Variants in LIMS1 observed in about 807,000 individuals in gnomAD.
LIMS1 encodes the protein LIM and senescent cell antigen-like-containing domain protein 1.
Under a neutral mutation model 44.1 loss-of-function variants are expected in LIMS1, and 18 were observed. That is an observed-to-expected ratio of 0.41 (90% CI 0.28 to 0.61). The LOEUF is 0.61. Among genes scored for constraint, LIMS1 ranks in the 20% least tolerant of loss-of-function variants. The pLI is 0.32. For missense variants in LIMS1, 201 were observed against 422.0 expected, an observed-to-expected ratio of 0.48 and a Z score of 4.59; for synonymous variants, 93 against 149.1, an observed-to-expected ratio of 0.62 and a Z score of 2.74.
At chr2:108,535,525 CATTGTA>C in intron 1 of LIMS1, among the ~76,000 whole-genome samples, 1 of 152,332 alleles carries the variant, frequency 6.6e-6, no homozygotes, top group Middle Eastern at 3.4e-3. Flanking sequence ...AGCTGTTACC[CATTGTA>C]ACACCATATA....
At chr2:108,598,775 A>C (rs1686852234) in intron 1 of LIMS1, among the ~76,000 whole-genome samples, 1 of 152,136 alleles carries the variant, frequency 6.6e-6, no homozygotes, top group African/African-American at 2.4e-5. Flanking sequence ...TGGGTCTTTA[A>C]GGTATTCCTT....
chr2:108,607,333 G>A, intron 1 of LIMS1: 6 of 1,339,004 alleles, frequency 4.5e-6, no homozygotes, highest in Non-Finnish European at 6.3e-6. Context: ...CACACCAGTT[G>A]TCTGGTATCT....
intron 1 of LIMS1, among the ~76,000 whole-genome samples, chr2:108,572,442 G>C (rs981940154): frequency 6.8e-6 from 1 of 147,594 alleles, no homozygotes; most frequent in Non-Finnish European, 1.5e-5. Context: ...GAGTGCAGTG[G>C]CGCAGTCTCA....
intron 1 of LIMS1, among the ~76,000 whole-genome samples, chr2:108,622,548 T>G (rs1363099197): frequency 6.6e-6 from 1 of 152,210 alleles, no homozygotes; most frequent in East Asian, 1.9e-4. Flanking sequence ...TATTAGAACT[T>G]ATCGCTTACT....
rs371973279 is a variant in LIMS1, at chr2:108,622,498, G to A, written c.33-37107G>A. The stretch of plus-strand genomic sequence containing the variant: ...TAAAATTGTTGACTCACCAATTTTT[G>A]AAGAGGGTAGCATTAAAGGACTATT... On this transcript the variant is annotated intron_variant, in intron 1 of 9. Transcript: ENST00000544547. Among the ~76,000 whole-genome samples the A allele has an allele frequency of 2.1e-3, 318 of 152,200 alleles. 3 individuals carry two copies. The highest frequency in any genetic ancestry group is 7.3e-3 in the African/African-American group (304 of 41,532).
intron 1 of LIMS1, among the ~76,000 whole-genome samples, chr2:108,643,571 A>G (rs897061944): frequency 6.6e-6 from 1 of 150,568 alleles, no homozygotes; most frequent in Non-Finnish European, 1.5e-5. Flanking sequence ...CCTTTAGGGC[A>G]GACACCGAGC....
At chr2:108,595,022 T>C (rs922427181) in intron 1 of LIMS1, among the ~76,000 whole-genome samples, 1 of 152,150 alleles carries the variant, frequency 6.6e-6, no homozygotes, top group Non-Finnish European at 1.5e-5. Context: ...GGAAGGAAGG[T>C]ACCATACATA....
intron 2 of LIMS1, among the ~76,000 whole-genome samples, chr2:108,666,227 A>G (rs1691752074): frequency 6.6e-6 from 1 of 152,196 alleles, no homozygotes; most frequent in African/African-American, 2.4e-5. Flanking sequence ...TAAATTGGGA[A>G]TCCCACAGCT....
At chr2:108,676,820 T>C in intron 7 of LIMS1, 122 bp downstream of exon 7, 2 of 736,130 alleles carry the variant, frequency 2.7e-6, no homozygotes, top group Non-Finnish European at 4.2e-6. Context: ...TTTTTAACTT[T>C]TTATTTGGGA....
At chr2:108,617,469 T>G (rs1432313580) in intron 1 of LIMS1, among the ~76,000 whole-genome samples, 1 of 152,232 alleles carries the variant, frequency 6.6e-6, no homozygotes, top group Non-Finnish European at 1.5e-5. Flanking sequence ...TAAAATCTCA[T>G]TTAGGTAACA....
chr2:108,635,786 C>A (rs1456958628), intron 1 of LIMS1, among the ~76,000 whole-genome samples: 2 of 50,784 alleles, frequency 3.9e-5, no homozygotes, highest in Non-Finnish European at 5.0e-5. Context: ...ACACACTCCT[C>A]CCCCCCGTCT....
intron 1 of LIMS1, among the ~76,000 whole-genome samples, chr2:108,634,658 T>C (rs1272251782): frequency 6.6e-6 from 1 of 152,334 alleles, no homozygotes; most frequent in East Asian, 1.9e-4. Flanking sequence ...TCACCACAAA[T>C]GTCCTGAAAT....
At chr2:108,673,100 T>C in intron 5 of LIMS1, 71 bp downstream of exon 5, 1 of 1,371,902 alleles carries the variant, frequency 7.3e-7, no homozygotes, top group Non-Finnish European at 1.0e-6. Context: ...ATATTTCTGT[T>C]ACTCTAGCAA....
Position 108,603,081 on chromosome 2 carries a change from T to C in LIMS1, c.33-56524T>C, listed in dbSNP as rs138187788. On this transcript the variant is annotated intron_variant, in intron 1 of 9. Transcript: ENST00000544547. ...GATTTACAGGCACGAGCCACTCGCC[T>C]GACCAGGTTTTCTTTTTTTCGATGT... Among the ~76,000 whole-genome samples the C allele has an allele frequency of 9.5e-3, 1,446 of 152,306 alleles. 7 individuals carry two copies. Among genetic ancestry groups the C allele is most frequent in the Non-Finnish European group, 0.016 (1,062 of 68,014 alleles).
chr2:108,589,827 T>C (rs967287182), intron 1 of LIMS1, among the ~76,000 whole-genome samples: 3 of 152,196 alleles, frequency 2.0e-5, no homozygotes, highest in Non-Finnish European at 4.4e-5. Context: ...TTCCACATAT[T>C]TGTTAATTTT....
intron 1 of LIMS1, among the ~76,000 whole-genome samples, chr2:108,653,200 T>C (rs1226126301): frequency 1.3e-5 from 2 of 151,536 alleles, no homozygotes; most frequent in Middle Eastern, 3.4e-3. Context: ...CCAGTAATTA[T>C]GTTTAACATT....
chr2:108,593,663 G>A (rs1392314129), intron 1 of LIMS1, among the ~76,000 whole-genome samples: 1 of 152,196 alleles, frequency 6.6e-6, no homozygotes, highest in Non-Finnish European at 1.5e-5. Context: ...TATCATCCAT[G>A]GGGATGATTC....
chr2:108,576,327 T>G (rs1175941417), intron 1 of LIMS1, among the ~76,000 whole-genome samples: 1 of 152,082 alleles, frequency 6.6e-6, no homozygotes, highest in East Asian at 1.9e-4. Context: ...CTGGTCTTGA[T>G]CCTGGGCTCA....
At chr2:108,634,048 C>T (rs1236128843) in intron 1 of LIMS1, among the ~76,000 whole-genome samples, 1 of 152,174 alleles carries the variant, frequency 6.6e-6, no homozygotes, top group African/African-American at 2.4e-5. Flanking sequence ...GCTGTAGCCT[C>T]TTTGTGGCTC....
Sources: gnomAD v4.1 joint callset for allele counts (sites outside exome capture counted in the v4.1 genomes callset) on GRCh38, gnomAD v4.1.1 for gene constraint, MANE v1.5 for transcripts, NCBI Gene and HGNC (gene_info 2026-07-23, HGNC 2026-07-21) for gene names.